Variants in CCSAP observed in about 807,000 individuals in gnomAD.
CCSAP encodes the protein centriole, cilia and spindle associated protein.
In CCSAP, 17 loss-of-function variants were observed where a neutral mutation model predicts 25.9. That is an observed-to-expected ratio of 0.66 (90% CI 0.45 to 0.99). CCSAP has a LOEUF of 0.99. Ranked by LOEUF, CCSAP falls within the 50% of genes least tolerant of loss-of-function variation. The probability of loss-of-function intolerance (pLI) is 0.00; values close to 1 mark genes in which losing one functional copy is unlikely to be tolerated. For missense variants in CCSAP, 339 were observed against 367.8 expected (o/e 0.92, Z 0.64); for synonymous variants, 169 against 157.1 (o/e 1.08, Z -0.57).
intron 2 of CCSAP, among the ~76,000 whole-genome samples, chr1:229,337,729 A>G (rs1428741738): frequency 6.0e-5 from 8 of 132,238 alleles, no homozygotes; most frequent in South Asian, 2.3e-4. Flanking sequence ...GTATATATAT[A>G]TGTGTGTGTG....
chr1:229,332,713 TTTAA>T (rs1367235512), intron 2 of CCSAP, among the ~76,000 whole-genome samples: 11 of 152,102 alleles, frequency 7.2e-5, no homozygotes, highest in South Asian at 2.1e-4. Context: ...AAATATAAAT[TTTAA>T]TTAATTAATT....
chr1:229,328,363 C>T (rs1440787116), intron 2 of CCSAP, among the ~76,000 whole-genome samples: 2 of 152,062 alleles, frequency 1.3e-5, no homozygotes, highest in Non-Finnish European at 2.9e-5. Flanking sequence ...TGCAGTGGTG[C>T]GATCATGGCT....
chr1:229,325,495 T>G (rs1657919639), intron 3 of CCSAP, 84 bp from the exon 4 acceptor site: 1 of 1,322,760 alleles, frequency 7.6e-7, no homozygotes, highest in Non-Finnish European at 1.0e-6. Context: ...AGCTGGCTAC[T>G]GCCAGGTCAA....
intron 2 of CCSAP, among the ~76,000 whole-genome samples, chr1:229,341,193 C>CAAAAAAAAAAAAAAAAAAAAAAAAAAA (rs71561730): frequency 5.5e-5 from 5 of 91,108 alleles, no homozygotes; most frequent in African/African-American, 2.4e-4. Flanking sequence ...GACTCCGTCT[C>CAAAAAAAAAAAAAAAAAAAAAAAAAAA]AAAAAAAAAA....
At chr1:229,327,472 G>A in intron 2 of CCSAP, 1 of 455,514 alleles carries the variant, frequency 2.2e-6, no homozygotes, top group Admixed American at 2.4e-5. Flanking sequence ...TGCTCCTCCT[G>A]AGAGCCGCTT....
At chr1:229,327,127 C>CA in intron 2 of CCSAP, 121 bp from the exon 3 acceptor site, 1 of 767,662 alleles carries the variant, frequency 1.3e-6, no homozygotes, top group East Asian at 2.8e-5. Context: ...TGGCTCAACT[C>CA]ATACGATCCA....
Position 229,340,242 on chromosome 1 carries a change from CG to C in CCSAP, c.367+1856del, listed in dbSNP as rs1410250607. Among the ~76,000 whole-genome samples the C allele has an allele frequency of 3.9e-5, 6 of 152,256 alleles. No individual in the cohort carries two copies. The South Asian group carries it at 1.2e-3, about 32-fold the overall frequency. On this transcript the variant is annotated intron_variant, in intron 2 of 3. Transcript: ENST00000284617. ...CAACACAGGAGTCAAGAGGGCCTTA[CG>C]GGTAGGAGCAAAACAAAAGATGCTG...
chr1:229,331,877 G>A (rs238084), intron 2 of CCSAP, among the ~76,000 whole-genome samples: 58,123 of 150,436 alleles, frequency 0.39, 11,635 homozygotes, highest in Admixed American at 0.45. Context: ...GTGCAATGGC[G>A]CGATCTCAGC....
At chr1:229,340,587 G>T (rs1243137198) in intron 2 of CCSAP, 5 of 589,348 alleles carry the variant, frequency 8.5e-6, no homozygotes, top group Non-Finnish European at 1.5e-5. Flanking sequence ...AATCTGGAAG[G>T]CATGTTCCCT....
chr1:229,324,424 T>C lies in CCSAP; in HGVS notation c.*811A>G, dbSNP rs1657893207. ...CAAGGGACTGAATCCACAGTATGTA[T>C]TCTTTAAAAAAAAAAAAAAAGGCAA... On this transcript the variant is annotated 3_prime_UTR_variant, in exon 4 of 4. Transcript: ENST00000284617. 1 of 131,102 alleles carries C rather than the reference T, an allele frequency of 7.6e-6. No individual in the cohort carries two copies. Among genetic ancestry groups the C allele is most frequent in the Admixed American group, 8.1e-5 (1 of 12,350 alleles). 8.1% of individuals were successfully genotyped at this position (131,102 alleles called of 1,614,324 possible). A position where few individuals can be genotyped will look rare whatever the true frequency, so the allele number is the denominator to read the frequency against.
At position 229,325,109 on chromosome 1, in the gene CCSAP, T is replaced by TA. The variant is rs1488805785; in HGVS notation, c.*125dup. The TA allele has an allele frequency of 2.3e-4, 222 of 954,818 alleles. No homozygotes were observed. The highest frequency in any genetic ancestry group is 3.0e-4 in the Non-Finnish European group (194 of 654,914). 59.1% of individuals were successfully genotyped at this position (954,818 alleles called of 1,614,324 possible). ...ATAAAACAATCTTTTACAAATTCCC[T>TA]AAAAAAAACCTTGCATAATCAGTTG... is the stretch of plus-strand genomic sequence containing the variant. On this transcript the variant is annotated 3_prime_UTR_variant, in exon 4 of 4. Coordinates refer to ENST00000284617, the MANE Select transcript of CCSAP (RefSeq NM_145257.5).
At chr1:229,335,537 T>C (rs1468045730) in intron 2 of CCSAP, among the ~76,000 whole-genome samples, 1 of 152,136 alleles carries the variant, frequency 6.6e-6, no homozygotes, top group Non-Finnish European at 1.5e-5. Flanking sequence ...GTCAAAATAA[T>C]TGCACCAAGT....
chr1:229,332,679 A>G (rs1658096763), intron 2 of CCSAP, among the ~76,000 whole-genome samples: 1 of 152,222 alleles, frequency 6.6e-6, no homozygotes, highest in Non-Finnish European at 1.5e-5. Flanking sequence ...CCAATACAAT[A>G]GCCATGAACC....
chr1:229,331,322 AAGAC>A (rs770315298), intron 2 of CCSAP, among the ~76,000 whole-genome samples: 5 of 152,286 alleles, frequency 3.3e-5, no homozygotes, highest in South Asian at 4.1e-4. Context: ...CTTATAGAAA[AAGAC>A]AGAAGAATTA....
rs60399703 is a variant in CCSAP, at chr1:229,337,678, A to AAT, written c.367+4419_367+4420dup. Among the ~76,000 whole-genome samples, 174 of 65,362 alleles carry AAT rather than the reference A, an allele frequency of 2.7e-3. 11 individuals are homozygous for AAT. Among genetic ancestry groups the AAT allele is most frequent in the East Asian group, 7.3e-3 (23 of 3,172 alleles). The allele number at this position is 65,362 out of a possible 152,430, so 42.9% of individuals were successfully genotyped here. On this transcript the variant is annotated intron_variant, in intron 2 of 3. Coordinates refer to ENST00000284617, the MANE Select transcript of CCSAP (RefSeq NM_145257.5). ...GAACAAGATCAAAGGCTCAAAAAAA[A>AAT]ATATATATATATATATATATACACA...
At position 229,342,108 on chromosome 1, in the gene CCSAP, C is replaced by A; in HGVS notation, c.358G>T (p.Ala120Ser). The change falls in exon 2 of 4, where the codon GCT becomes TCT. Residue 120 changes from alanine to serine, a missense_variant. Physicochemically the swap from Ala to Ser is moderately conservative, Grantham distance 99. Coordinates refer to ENST00000284617, the MANE Select transcript of CCSAP (RefSeq NM_145257.5). The surrounding 1 kb of genome is among the most constrained non-coding windows in gnomAD (Gnocchi z 7.5). ...CCTCCGGGCCGGGTACCTGGCAGAG[C>A]CGCGTCCTCCGCGTCCTCGGCCTCC... ...DAEAEDAEDA[A>S]LPALPVKDVE... The A allele has an allele frequency of 7.4e-7, 1 of 1,345,394 alleles. No homozygotes were observed. Among genetic ancestry groups the A allele is most frequent in the Admixed American group, 3.1e-5 (1 of 31,984 alleles). 83.3% of individuals were successfully genotyped at this position (1,345,394 alleles called of 1,614,324 possible).
intron 2 of CCSAP, among the ~76,000 whole-genome samples, chr1:229,336,073 C>A (rs935245226): frequency 2.7e-5 from 4 of 149,932 alleles, no homozygotes; most frequent in Non-Finnish European, 5.9e-5. Context: ...AGGTTATATG[C>A]AAATACTACA....
intron 2 of CCSAP, among the ~76,000 whole-genome samples, chr1:229,332,273 C>T (rs1658086385): frequency 1.3e-5 from 2 of 152,136 alleles, no homozygotes; most frequent in Non-Finnish European, 2.9e-5. Flanking sequence ...GCCAGAAGTT[C>T]CCAAGGCCTC....
intron 2 of CCSAP, among the ~76,000 whole-genome samples, chr1:229,337,128 T>C (rs540863800): frequency 4.9e-4 from 75 of 151,888 alleles, no homozygotes; most frequent in African/African-American, 1.6e-3. Context: ...ATAGGAAATA[T>C]CACTGAACTG....
Sources: gnomAD v4.1 joint callset for allele counts (sites outside exome capture counted in the v4.1 genomes callset) on GRCh38, gnomAD v4.1.1 for gene constraint, Gnocchi (gnomAD v3.1) non-coding constraint, MANE v1.5 for transcripts, NCBI Gene and HGNC (gene_info 2026-07-23, HGNC 2026-07-21) for gene names.